UPF2: variants seen among roughly 807,000 people sequenced by gnomAD.
The protein encoded by UPF2 is regulator of nonsense transcripts 2.
UPF2 carries 17 observed loss-of-function variants against 141.4 expected under a neutral mutation model. The observed-to-expected ratio is 0.12, with a 90% CI of 0.08 to 0.18. The LOEUF is 0.18. UPF2 is among the 10% of genes least tolerant of loss of function. The probability of loss-of-function intolerance (pLI) is 1.00; values close to 1 mark genes in which losing one functional copy is unlikely to be tolerated. For synonymous variants in UPF2, 540 were observed against 498.0 expected, an observed-to-expected ratio of 1.08 and a Z score of -1.12; for missense variants, 1,152 against 1,515.9, an observed-to-expected ratio of 0.76 and a Z score of 3.99.
At chr10:11,944,741 A>G (rs927568466) in intron 16 of UPF2, among the ~76,000 whole-genome samples, 5 of 152,170 alleles carry the variant, frequency 3.3e-5, no homozygotes, top group African/African-American at 1.2e-4. Context: ...TGTAGCATGC[A>G]TTAATTTTTC....
At chr10:12,011,806 G>A (rs1364678448) in intron 4 of UPF2, among the ~76,000 whole-genome samples, 7 of 151,516 alleles carry the variant, frequency 4.6e-5, no homozygotes, top group African/African-American at 7.3e-5. Context: ...TTAGCCGGGT[G>A]TAGTGGCACA....
At chr10:11,965,440 A>C (rs1588540522) in intron 10 of UPF2, among the ~76,000 whole-genome samples, 1 of 152,058 alleles carries the variant, frequency 6.6e-6, no homozygotes, top group Admixed American at 6.6e-5. Context: ...TCCCTTCAAT[A>C]TTTACAATAC....
rs541134482 is a variant in UPF2, at chr10:11,967,551, T to G, written c.1954-97A>C. The G allele has an allele frequency of 3.8e-4, 264 of 695,034 alleles. No individual in the cohort carries two copies. In the African/African-American group the frequency reaches 4.5e-3, roughly 12 times the overall value. The allele number at this position is 695,034 out of a possible 1,614,324, so 43.1% of individuals were successfully genotyped here. ...ATGCATTCGAATTCACTCCAGTTTT[T>G]TTTTTTTTTTTTTTTTTGAGACAGA... is the stretch of plus-strand genomic sequence containing the variant. On this transcript the variant is annotated intron_variant, in intron 9 of 21. Coordinates refer to ENST00000357604, the MANE Select transcript of UPF2 (RefSeq NM_015542.4).
chr10:11,950,033 C>T (rs1269443753), intron 15 of UPF2, among the ~76,000 whole-genome samples: 1 of 151,614 alleles, frequency 6.6e-6, no homozygotes, highest in African/African-American at 2.4e-5. Flanking sequence ...TTAAGTAGAA[C>T]CAATTGGTTA....
chr10:11,950,512 G>C (rs553416959), intron 15 of UPF2, among the ~76,000 whole-genome samples: 1 of 152,222 alleles, frequency 6.6e-6, no homozygotes, highest in East Asian at 1.9e-4. Flanking sequence ...TCTAAACAAG[G>C]ACAAAGTCCT....
chr10:11,942,592 AC>A, intron 18 of UPF2, 72 bp downstream of exon 18: 1 of 1,415,562 alleles, frequency 7.1e-7, no homozygotes, highest in Middle Eastern at 2.0e-4. Context: ...AGAGGCCTTC[AC>A]ATGAACCAGA....
At chr10:11,985,732 T>C (rs1267930391) in intron 8 of UPF2, among the ~76,000 whole-genome samples, 1 of 151,894 alleles carries the variant, frequency 6.6e-6, no homozygotes, top group Non-Finnish European at 1.5e-5. Context: ...GTCACATCAG[T>C]CACATTAAAG....
intron 8 of UPF2, among the ~76,000 whole-genome samples, chr10:11,995,420 G>T (rs1042208258): frequency 1.3e-5 from 2 of 152,190 alleles, no homozygotes; most frequent in African/African-American, 4.8e-5. Context: ...TGTGCTATGT[G>T]CTGGGTATAA....
In UPF2 at chr10:11,936,494, T is replaced by C; in HGVS notation, c.3546+51A>G. The C allele has an allele frequency of 6.6e-7, 1 of 1,521,210 alleles. No individual in the cohort carries two copies. The highest frequency in any genetic ancestry group is 8.8e-7 in the Non-Finnish European group (1 of 1,133,318). 94.2% of individuals were successfully genotyped at this position (1,521,210 alleles called of 1,614,324 possible). On this transcript the variant is annotated intron_variant, in intron 19 of 21. Coordinates refer to ENST00000357604, the MANE Select transcript of UPF2 (RefSeq NM_015542.4). This position sits in a 1 kb window ranked among gnomAD's most constrained non-coding sequence, Gnocchi z 6.6. Reference sequence around the variant, plus strand: ...TGTAGGTCAAAGATAAGTTAAAACCTAACTGTATAACTCACAATCAGCTAT... The same window carrying C: ...TGTAGGTCAAAGATAAGTTAAAACCCAACTGTATAACTCACAATCAGCTAT...
intron 9 of UPF2, among the ~76,000 whole-genome samples, chr10:11,969,614 AAAG>A (rs1043980926): frequency 5.9e-5 from 9 of 152,236 alleles, no homozygotes; most frequent in Admixed American, 2.6e-4. Context: ...TGTAATTTAG[AAAG>A]AAGTACAGCC....
chr10:11,983,987 G>T (rs1027951560), intron 8 of UPF2, among the ~76,000 whole-genome samples: 2 of 151,734 alleles, frequency 1.3e-5, no homozygotes, highest in Non-Finnish European at 2.9e-5. Flanking sequence ...GCAATGGCGC[G>T]ATCTCGGCTC....
At chr10:11,984,812 G>A (rs1225634305) in intron 8 of UPF2, among the ~76,000 whole-genome samples, 4 of 151,732 alleles carry the variant, frequency 2.6e-5, no homozygotes, top group African/African-American at 7.3e-5. Context: ...TCCCAGGTTC[G>A]AGTGATTCTC....
At chr10:11,944,578 A>T (rs1005410009) in intron 16 of UPF2, among the ~76,000 whole-genome samples, 1 of 152,192 alleles carries the variant, frequency 6.6e-6, no homozygotes, top group African/African-American at 2.4e-5. Flanking sequence ...TATAATTCAA[A>T]ATTAAATTTG....
chr10:11,963,703 C>T (rs1458538257), intron 11 of UPF2, among the ~76,000 whole-genome samples: 1 of 152,152 alleles, frequency 6.6e-6, no homozygotes, highest in Non-Finnish European at 1.5e-5. Context: ...ATAACAAAAA[C>T]ATTCATAAAC....
chr10:11,926,137 T>C (rs1308509822), intron 21 of UPF2, among the ~76,000 whole-genome samples: 2 of 152,120 alleles, frequency 1.3e-5, no homozygotes, highest in Non-Finnish European at 2.9e-5. Flanking sequence ...GTGAGGGCCA[T>C]TTGGGAGCAG....
chr10:11,944,647 A>G (rs572030367), intron 16 of UPF2, among the ~76,000 whole-genome samples: 41 of 152,222 alleles, frequency 2.7e-4, no homozygotes, highest in Non-Finnish European at 4.7e-4. Flanking sequence ...AACACTTAAA[A>G]GACACTTCCC....
chr10:11,971,258 CTTTT>C (rs11289857), intron 9 of UPF2, among the ~76,000 whole-genome samples: 21 of 129,478 alleles, frequency 1.6e-4, no homozygotes, highest in African/African-American at 5.4e-4. Flanking sequence ...TCATTTCTTT[CTTTT>C]TTTTTTTTTT....
chr10:11,960,550 G>A (rs1032827084), intron 11 of UPF2, among the ~76,000 whole-genome samples: 2 of 148,876 alleles, frequency 1.3e-5, no homozygotes, highest in African/African-American at 4.9e-5. Flanking sequence ...CCTGGGTGAT[G>A]GAGTGAGACC....
intron 9 of UPF2, among the ~76,000 whole-genome samples, chr10:11,970,267 A>T (rs887368723): frequency 6.6e-6 from 1 of 152,230 alleles, no homozygotes; most frequent in African/African-American, 2.4e-5. Context: ...GGAGTATTTT[A>T]ATGACAGGGT....
Sources: allele counts gnomAD v4.1 joint callset (sites outside exome capture counted in the v4.1 genomes callset), GRCh38; gene constraint gnomAD v4.1.1; non-coding constraint Gnocchi (gnomAD v3.1); transcripts MANE v1.5; gene names NCBI Gene and HGNC (gene_info 2026-07-23, HGNC 2026-07-21).